The following C1QL3 variants were observed in gnomAD, a reference collection of about 807,000 sequenced individuals.
C1QL3 encodes the protein complement C1q-like protein 3.
In C1QL3, 4 loss-of-function variants were observed where a neutral mutation model predicts 16.6. The observed-to-expected ratio is 0.24, with a 90% CI of 0.12 to 0.55. The LOEUF (loss-of-function observed/expected upper bound fraction) is 0.55. Ranked by LOEUF, C1QL3 falls within the 20% of genes least tolerant of loss-of-function variation. The pLI is 0.94. For missense variants in C1QL3, 269 were observed against 365.6 expected (o/e 0.74, Z 2.16); for synonymous variants, 189 against 160.2 (o/e 1.18, Z -1.36).
rs1190230858 is a variant in C1QL3, at chr10:16,520,389, C to T, written c.588+89G>A. On this transcript the variant is annotated intron_variant, in intron 1 of 1. Coordinates refer to ENST00000298943, the MANE Select transcript of C1QL3 (RefSeq NM_001010908.2). The surrounding 1 kb of genome is among the most constrained non-coding windows in gnomAD (Gnocchi z 8.3). ...GGCCGCCGCGCCCTTCCTCCGCGGG[C>T]TCCCACCCCCATTTCCGGGGTCTCC... The T allele has an allele frequency of 9.5e-7, 1 of 1,047,498 alleles. No homozygotes were observed. Among genetic ancestry groups the T allele is most frequent in the Non-Finnish European group, 1.4e-6 (1 of 739,210 alleles). The allele number at this position is 1,047,498 out of a possible 1,614,324, so 64.9% of individuals were successfully genotyped here. A position where few individuals can be genotyped will look rare whatever the true frequency, so the allele number is the denominator to read the frequency against.
Position 16,521,840 on chromosome 10 carries a change from C to T in C1QL3, c.-775G>A, listed in dbSNP as rs1383117201. The T allele has an allele frequency of 1.3e-5, 2 of 152,756 alleles. No individual in the cohort carries two copies. Among genetic ancestry groups the T allele is most frequent in the Non-Finnish European group, 2.9e-5 (2 of 68,238 alleles). The allele number at this position is 152,756 out of a possible 1,614,324, so 9.5% of individuals were successfully genotyped here. A position where few individuals can be genotyped will look rare whatever the true frequency, so the allele number is the denominator to read the frequency against. On this transcript the variant is annotated 5_prime_UTR_variant, in exon 1 of 2. Coordinates refer to ENST00000298943, the MANE Select transcript of C1QL3 (RefSeq NM_001010908.2). ...AGCGGAGCGAGAGAGAGACTGAAGG[C>T]AGAATTCTGCCTGGGTACCACCTGC...
chr10:16,519,140 C>CTGTTTTTTTTTTTTTTTTT (rs1836996489), intron 1 of C1QL3, among the ~76,000 whole-genome samples: 1 of 39,476 alleles, frequency 2.5e-5, no homozygotes, highest in Non-Finnish European at 4.4e-5. Flanking sequence ...GCATTTAGGA[C>CTGTTTTTTTTTTTTTTTTT]TTTTTTTTTT....
chr10:16,520,364 G>C lies in C1QL3; in HGVS notation c.588+114C>G, dbSNP rs569966924. ...CCCTTGCCGTCGCTCCAGGGAGCCCGGCCGCCGCGCCCTTCCTCCGCGGGC... is the reference window on the plus strand; with the variant it reads ...CCCTTGCCGTCGCTCCAGGGAGCCCCGCCGCCGCGCCCTTCCTCCGCGGGC... On this transcript the variant is annotated intron_variant, in intron 1 of 1. Coordinates refer to ENST00000298943, the MANE Select transcript of C1QL3 (RefSeq NM_001010908.2). This position sits in a 1 kb window ranked among gnomAD's most constrained non-coding sequence, Gnocchi z 8.3. The C allele has an allele frequency of 3.4e-5, 28 of 835,664 alleles. No homozygotes were observed. The African/African-American group carries it at 4.8e-4, about 14-fold the overall frequency. 51.8% of individuals were successfully genotyped at this position (835,664 alleles called of 1,614,324 possible).
chr10:16,519,689 G>A (rs1487414612), intron 1 of C1QL3, among the ~76,000 whole-genome samples: 1 of 152,076 alleles, frequency 6.6e-6, no homozygotes, highest in East Asian at 1.9e-4. Flanking sequence ...ACCCGGGGCT[G>A]GGCTCGAACC....
intron 1 of C1QL3, among the ~76,000 whole-genome samples, chr10:16,515,878 T>C (rs1185537376): frequency 6.6e-6 from 1 of 152,174 alleles, no homozygotes; most frequent in Non-Finnish European, 1.5e-5. Context: ...ACCTGCACTA[T>C]GTAATAATGC....
intron 1 of C1QL3, among the ~76,000 whole-genome samples, chr10:16,519,963 C>T (rs1202566530): frequency 2.0e-5 from 3 of 152,220 alleles, no homozygotes; most frequent in Non-Finnish European, 4.4e-5. Flanking sequence ...GGTCGCTCCT[C>T]CGCTGTGGCT....
intron 1 of C1QL3, among the ~76,000 whole-genome samples, chr10:16,519,081 G>A (rs1044878203): frequency 1.5e-5 from 2 of 135,380 alleles, no homozygotes; most frequent in Non-Finnish European, 3.1e-5. Flanking sequence ...TAAGCTATTT[G>A]TAGGATAGGG....
intron 1 of C1QL3, among the ~76,000 whole-genome samples, chr10:16,515,801 T>C (rs556729168): frequency 6.6e-6 from 1 of 152,288 alleles, no homozygotes; most frequent in East Asian, 1.9e-4. Context: ...TGTGGCTTGT[T>C]TCATTTCTAT....
rs1293706310 is a variant in C1QL3, at chr10:16,514,416, T to C, written c.*112A>G. 5 of 804,974 alleles carry C rather than the reference T, an allele frequency of 6.2e-6. No homozygotes were observed. Among genetic ancestry groups the C allele is most frequent in the Middle Eastern group, 3.0e-4 (1 of 3,300 alleles). 49.9% of individuals were successfully genotyped at this position (804,974 alleles called of 1,614,324 possible). A position where few individuals can be genotyped will look rare whatever the true frequency, so the allele number is the denominator to read the frequency against. On this transcript the variant is annotated 3_prime_UTR_variant, in exon 2 of 2. Coordinates refer to ENST00000298943, the MANE Select transcript of C1QL3 (RefSeq NM_001010908.2). ...AGGTAGCATTTGATTTCCCCACATA[T>C]ACACAACTGAGGTGCCCTGCCATTG...
chr10:16,520,760 C>G lies in C1QL3; in HGVS notation c.306G>C (p.Pro102=), dbSNP rs766154179. Residue 102 remains proline, a synonymous_variant, in exon 1 of 2, where the codon CCG becomes CCC. Transcript: ENST00000298943. The surrounding 1 kb of genome is among the most constrained non-coding windows in gnomAD (Gnocchi z 8.3). ...TCAGGCCGGGCGCCCCGGGCGGGCCCGGCAGGCCTTGGCGGCCCGGCTCGC... is the reference window on the plus strand; with the variant it reads ...TCAGGCCGGGCGCCCCGGGCGGGCCGGGCAGGCCTTGGCGGCCCGGCTCGC... ...EKGEPGRQGL[P]GPPGAPGLNA... 2.2e-6 allele frequency: 3 copies of G among 1,354,410 alleles called. No homozygotes were observed. The highest frequency in any genetic ancestry group is 3.0e-5 in the African/African-American group (2 of 65,906). 83.9% of individuals were successfully genotyped at this position (1,354,410 alleles called of 1,614,324 possible).
At position 16,520,655 on chromosome 10, in the gene C1QL3, A is replaced by G. The variant is rs765922167; in HGVS notation, c.411T>C (p.His137=). ...IAFYAGLKRQ[H]EGYEVLKFDD... ...CGAACTTGAGCACCTCGTAGCCTTC[A>G]TGCTGCCGCTTGAGGCCGGCGTAGA... is the stretch of plus-strand genomic sequence containing the variant. Residue 137 remains histidine (H), a synonymous_variant, in exon 1 of 2, where the codon CAT becomes CAC. Transcript: ENST00000298943. The surrounding 1 kb of genome is among the most constrained non-coding windows in gnomAD (Gnocchi z 8.3). 1 of 1,610,520 alleles carries G rather than the reference A, an allele frequency of 6.2e-7. No individual in the cohort carries two copies. The highest frequency in any genetic ancestry group is 8.5e-7 in the Non-Finnish European group (1 of 1,178,466).
rs892793659 is a variant in C1QL3, at chr10:16,521,204, C to T, written c.-139G>A. On this transcript the variant is annotated 5_prime_UTR_variant, in exon 1 of 2. Coordinates refer to ENST00000298943, the MANE Select transcript of C1QL3 (RefSeq NM_001010908.2). Reference sequence around the variant, plus strand: ...GACCTCTTCAGAGCCGAAAACAACCCCCTGCGAACCCCAACTCCCCTGGGC... The same window carrying T: ...GACCTCTTCAGAGCCGAAAACAACCTCCTGCGAACCCCAACTCCCCTGGGC... 3.3e-5 allele frequency: 24 copies of T among 716,538 alleles called. No individual in the cohort carries two copies. The highest frequency in any genetic ancestry group is 4.0e-4 in the Middle Eastern group (1 of 2,522). The allele number at this position is 716,538 out of a possible 1,614,324, so 44.4% of individuals were successfully genotyped here.
In C1QL3 at chr10:16,514,360, A is replaced by G. The variant is rs745548956; in HGVS notation, c.*168T>C. 2.8e-5 allele frequency: 17 copies of G among 600,430 alleles called. No individual in the cohort carries two copies. Among genetic ancestry groups the G allele is most frequent in the South Asian group, 6.5e-5 (3 of 46,322 alleles). 37.2% of individuals were successfully genotyped at this position (600,430 alleles called of 1,614,324 possible). On this transcript the variant is annotated 3_prime_UTR_variant, in exon 2 of 2. Coordinates refer to ENST00000298943, the MANE Select transcript of C1QL3 (RefSeq NM_001010908.2). ...CTTATCTTGCTTTGATATTTTTTAC[A>G]TAATGTTTCTGAGTGATACAGATGT...
At position 16,521,041 on chromosome 10, in the gene C1QL3, T is replaced by C; in HGVS notation, c.25A>G (p.Ile9Val). The change falls in exon 1 of 2, where the codon ATC becomes GTC. Residue 9 changes from isoleucine to valine, a missense_variant. Coordinates refer to ENST00000298943, the MANE Select transcript of C1QL3 (RefSeq NM_001010908.2). MVLLLVIL[I>V]PVLVSSAGTS... is the part of the protein sequence containing the mutation. ...CCGGCCGAGCTCACCAGCACCGGGA[T>C]GAGGATCACCAGCAGCAGCACCATC... The C allele has an allele frequency of 1.2e-6, 2 of 1,600,694 alleles. No individual in the cohort carries two copies. The highest frequency in any genetic ancestry group is 2.2e-5 in the South Asian group (2 of 90,526).
rs770900487 is a variant in C1QL3 at position 16,521,013 on chromosome 10, G to A, written c.53C>T (p.Thr18Met). Residue 18 changes from threonine (T) to methionine (M), a missense_variant, in exon 1 of 2, where the codon ACG (threonine) becomes ATG (methionine). Physicochemically the swap from Thr to Met is moderately conservative, Grantham distance 81. Transcript: ENST00000298943. Reference sequence around the variant, plus strand: ...GCCCAGCATCTCGTAGTGCGCCGACGTGCCGGCCGAGCTCACCAGCACCGG... The same window carrying A: ...GCCCAGCATCTCGTAGTGCGCCGACATGCCGGCCGAGCTCACCAGCACCGG... The part of the protein sequence containing the change: ...LIPVLVSSAG[T>M]SAHYEMLGTC... 14 of 1,599,322 alleles carry A rather than the reference G, an allele frequency of 8.8e-6. No individual in the cohort carries two copies. The highest frequency in any genetic ancestry group is 1.3e-5 in the African/African-American group (1 of 74,652).
In C1QL3 at chr10:16,520,524, C is replaced by T; in HGVS notation, c.542G>A (p.Gly181Glu). The T allele has an allele frequency of 6.2e-7, 1 of 1,610,846 alleles. No individual in the cohort carries two copies. The highest frequency in any genetic ancestry group is 8.5e-7 in the Non-Finnish European group (1 of 1,178,420). Residue 181 changes from glycine (G) to glutamate (E), a missense_variant, in exon 1 of 2, where the codon GGA (glycine) becomes GAA (glutamate). Gly to Glu is a moderately conservative substitution (Grantham distance 98). Transcript: ENST00000298943. This position sits in a 1 kb window ranked among gnomAD's most constrained non-coding sequence, Gnocchi z 8.3. ...AGCCCACATGCTGGTGCCGTCCCCT[C>T]CGCGCATCAGGACGTGGTAGGTGAA... ...YFFTYHVLMR[G>E]GDGTSMWADL...
Position 16,516,643 on chromosome 10 carries a change from C to T in C1QL3, c.589-1936G>A, listed in dbSNP as rs533020113. 2.6e-5 allele frequency among the ~76,000 whole-genome samples: 4 copies of T among 152,204 alleles called. No individual in the cohort carries two copies. The South Asian group carries it at 8.3e-4, about 32-fold the overall frequency. The stretch of plus-strand genomic sequence containing the variant: ...TTTCTACATGAAGGTATTGGAGAAA[C>T]AGGACATACTAAAATTACTTGATTT... On this transcript the variant is annotated intron_variant, in intron 1 of 1. Transcript: ENST00000298943.
At chr10:16,518,969 C>T (rs1427634784) in intron 1 of C1QL3, among the ~76,000 whole-genome samples, 7 of 151,794 alleles carry the variant, frequency 4.6e-5, no homozygotes, top group Admixed American at 4.6e-4. Context: ...TTTTATTTAT[C>T]TTAATATTAT....
chr10:16,521,369 T>C lies in C1QL3; in HGVS notation c.-304A>G. ...CGGGGGAGGGGTGCGCGGGGCGCCC[T>C]CGCCCCCCGCGAGCTCCTTCGCACC... On this transcript the variant is annotated 5_prime_UTR_variant, in exon 1 of 2. Transcript: ENST00000298943. 4.7e-6 allele frequency: 1 copy of C among 213,420 alleles called. No homozygotes were observed. Among genetic ancestry groups the C allele is most frequent in the Non-Finnish European group, 9.1e-6 (1 of 109,444 alleles). The allele number at this position is 213,420 out of a possible 1,614,324, so 13.2% of individuals were successfully genotyped here.
Sources: gnomAD v4.1 joint callset for allele counts (sites outside exome capture counted in the v4.1 genomes callset) on GRCh38, gnomAD v4.1.1 for gene constraint, Gnocchi (gnomAD v3.1) non-coding constraint, MANE v1.5 for transcripts, NCBI Gene and HGNC (gene_info 2026-07-23, HGNC 2026-07-21) for gene names.